FUT9: variants seen among roughly 807,000 people sequenced by gnomAD.
The protein encoded by FUT9 is fucosyltransferase 9.
Under a neutral mutation model 29.7 loss-of-function variants are expected in FUT9, and 15 were observed. The observed-to-expected ratio is 0.51, with a 90% CI of 0.34 to 0.78. The LOEUF (loss-of-function observed/expected upper bound fraction) is 0.78, where lower values mean the gene tolerates loss of function less well. Among genes scored for constraint, FUT9 ranks in the 30% least tolerant of loss-of-function variants. The pLI, the probability that FUT9 is intolerant of heterozygous loss-of-function variation, is 0.01. For missense variants in FUT9, 319 were observed against 425.4 expected (o/e 0.75, Z 2.20); for synonymous variants, 169 against 153.7 (o/e 1.10, Z -0.74).
At chr6:96,094,390 G>A (rs1020893742) in intron 1 of FUT9, among the ~76,000 whole-genome samples, 1 of 152,084 alleles carries the variant, frequency 6.6e-6, no homozygotes, top group Non-Finnish European at 1.5e-5. Flanking sequence ...AAGGATGCTG[G>A]CTATTTGGAT....
At chr6:96,069,190 C>T (rs1771011052) in intron 1 of FUT9, among the ~76,000 whole-genome samples, 2 of 152,008 alleles carry the variant, frequency 1.3e-5, no homozygotes. Flanking sequence ...TGGCACGTGC[C>T]TGTAATCCCA....
chr6:96,074,321 T>G (rs574171769), intron 1 of FUT9, among the ~76,000 whole-genome samples: 2 of 152,094 alleles, frequency 1.3e-5, no homozygotes, highest in Admixed American at 6.5e-5. Context: ...GCTAGAAGAA[T>G]AGGGTCTTGC....
At chr6:96,131,605 G>A (rs1430602412) in intron 2 of FUT9, among the ~76,000 whole-genome samples, 1 of 152,098 alleles carries the variant, frequency 6.6e-6, no homozygotes, top group Non-Finnish European at 1.5e-5. Flanking sequence ...ACCTTCAGAG[G>A]AAATATGTGC....
intron 1 of FUT9, among the ~76,000 whole-genome samples, chr6:96,085,667 G>C (rs182026060): frequency 2.0e-5 from 3 of 152,224 alleles, no homozygotes; most frequent in Non-Finnish European, 4.4e-5. Flanking sequence ...ACTTACCCTG[G>C]AGGTTCTCAA....
At chr6:96,086,676 T>G (rs921114594) in intron 1 of FUT9, among the ~76,000 whole-genome samples, 1 of 152,190 alleles carries the variant, frequency 6.6e-6, no homozygotes, top group African/African-American at 2.4e-5. Context: ...GGAACCCAAG[T>G]TTATTTTTTT....
intron 2 of FUT9, among the ~76,000 whole-genome samples, chr6:96,191,469 T>C (rs954361209): frequency 3.3e-5 from 5 of 152,106 alleles, no homozygotes; most frequent in Non-Finnish European, 7.3e-5. Flanking sequence ...GCAAATAAAC[T>C]AGAAAATCTA....
chr6:96,090,106 G>A (rs1462171523), intron 1 of FUT9, among the ~76,000 whole-genome samples: 2 of 152,034 alleles, frequency 1.3e-5, no homozygotes, highest in African/African-American at 4.8e-5. Context: ...TGGACATATA[G>A]AGTGCTTACG....
chr6:96,151,945 TTAGAGAGATGAAG>T (rs550706128), intron 2 of FUT9, among the ~76,000 whole-genome samples: 151 of 152,200 alleles, frequency 9.9e-4, no homozygotes, highest in African/African-American at 3.4e-3. Flanking sequence ...AGGAAGGACA[TTAGAGAGATGAAG>T]TAGAGAAGCA....
chr6:96,075,948 C>T (rs2127949085), intron 1 of FUT9, among the ~76,000 whole-genome samples: 1 of 152,204 alleles, frequency 6.6e-6, no homozygotes, highest in South Asian at 2.1e-4. Context: ...GGGCTTTGTT[C>T]TTCCACCTCT....
At chr6:96,067,042 A>C (rs1317347170) in intron 1 of FUT9, among the ~76,000 whole-genome samples, 1 of 151,888 alleles carries the variant, frequency 6.6e-6, no homozygotes, top group Non-Finnish European at 1.5e-5. Flanking sequence ...TGTGCAGAGT[A>C]TTGTATATTG....
chr6:96,164,656 T>C (rs1772980871), intron 2 of FUT9, among the ~76,000 whole-genome samples: 1 of 152,166 alleles, frequency 6.6e-6, no homozygotes, highest in Admixed American at 6.5e-5. Context: ...TTAATGTTGG[T>C]CAGCTATGCC....
At chr6:96,093,771 T>C (rs772814266) in intron 1 of FUT9, among the ~76,000 whole-genome samples, 2 of 152,092 alleles carry the variant, frequency 1.3e-5, no homozygotes, top group African/African-American at 2.4e-5. Context: ...CCAAGAACCT[T>C]ACACACACCA....
intron 2 of FUT9, among the ~76,000 whole-genome samples, chr6:96,177,529 G>A (rs1773225938): frequency 6.6e-6 from 1 of 152,102 alleles, no homozygotes; most frequent in South Asian, 2.1e-4. Flanking sequence ...ATCTGTTTCT[G>A]ACTACACTCC....
intron 2 of FUT9, among the ~76,000 whole-genome samples, chr6:96,172,345 A>G (rs1773128296): frequency 6.6e-6 from 1 of 152,108 alleles, no homozygotes; most frequent in South Asian, 2.1e-4. Context: ...TTCTTTTAAC[A>G]TTTTTGTTGG....
At chr6:96,171,419 G>A (rs549805263) in intron 2 of FUT9, among the ~76,000 whole-genome samples, 1 of 152,170 alleles carries the variant, frequency 6.6e-6, no homozygotes, top group African/African-American at 2.4e-5. Context: ...ACAGCTAGTG[G>A]AGGGCTGAAT....
At chr6:96,190,860 C>T (rs754428821) in intron 2 of FUT9, among the ~76,000 whole-genome samples, 31 of 152,096 alleles carry the variant, frequency 2.0e-4, no homozygotes, top group Non-Finnish European at 4.4e-4. Context: ...AAACTTTCTC[C>T]TTTAGCTCAG....
At chr6:96,022,175 T>C (rs530566963) in intron 1 of FUT9, among the ~76,000 whole-genome samples, 49 of 152,146 alleles carry the variant, frequency 3.2e-4, no homozygotes, top group African/African-American at 1.2e-3. Context: ...GATGTTTCAC[T>C]GCCCTGACCT....
chr6:96,020,168 C>CT (rs956326745), intron 1 of FUT9, among the ~76,000 whole-genome samples: 2 of 152,060 alleles, frequency 1.3e-5, no homozygotes, highest in African/African-American at 4.8e-5. Context: ...ACTAGCCCAC[C>CT]TAAAAATCTT....
intron 1 of FUT9, among the ~76,000 whole-genome samples, chr6:96,056,731 G>C (rs1007079584): frequency 2.0e-5 from 3 of 151,724 alleles, no homozygotes; most frequent in African/African-American, 7.3e-5. Flanking sequence ...ATGACAAAGC[G>C]AGACTCCATC....
Sources: gnomAD v4.1 joint callset for allele counts (sites outside exome capture counted in the v4.1 genomes callset) on GRCh38, gnomAD v4.1.1 for gene constraint, MANE v1.5 for transcripts, NCBI Gene and HGNC (gene_info 2026-07-23, HGNC 2026-07-21) for gene names.